KRTAP10-7: variants seen among roughly 807,000 people sequenced by gnomAD.
The protein encoded by KRTAP10-7 is keratin associated protein 10-7.
For synonymous variants in KRTAP10-7, 162 were observed against 199.6 expected (o/e 0.81, Z 1.59); for missense variants, 394 against 474.3 (o/e 0.83, Z 1.57).
chr21:44,601,970 C>T lies in KRTAP10-7; in HGVS notation c.*236C>T. On this transcript the variant is annotated 3_prime_UTR_variant, in exon 1 of 1. Coordinates refer to ENST00000609664, the MANE Select transcript of KRTAP10-7 (RefSeq NM_198689.3). ...CCCAGCAACAGGTGGGCAGTGACCC[C>T]AGCAAGGCCAGCGGGTGCTCCCAGG... 1.6e-6 allele frequency: 1 copy of T among 638,076 alleles called. No homozygotes were observed. 39.5% of individuals were successfully genotyped at this position (638,076 alleles called of 1,614,324 possible).
rs373720761 is a variant in KRTAP10-7, at chr21:44,600,846, C to T, written c.225C>T (p.Ser75=). 1.9e-4 allele frequency: 300 copies of T among 1,609,120 alleles called. 8 individuals are homozygous for T. The highest frequency in any genetic ancestry group is 2.4e-4 in the Non-Finnish European group (282 of 1,179,662). The part of the protein sequence containing the change: ...SPCCRVTCEP[S]PCQSGCTSSC... ...GCTGCCGAGTGACCTGTGAGCCCAG[C>T]CCCTGCCAATCAGGCTGCACCAGCT... Residue 75 remains serine, a synonymous_variant, in exon 1 of 1, where the codon AGC becomes AGT. Transcript: ENST00000609664.
In KRTAP10-7 at chr21:44,600,708, C is replaced by T. The variant is rs374137541; in HGVS notation, c.87C>T (p.Ser29=). ...TTCCTGGTTCCTGTGACTCTTGCTC[C>T]GACTCCTGGCAGGTGGACGACTGCC... is the stretch of plus-strand genomic sequence containing the variant. ...VCLPGSCDSC[S]DSWQVDDCPE... is the part of the protein sequence containing the mutation. The change falls in exon 1 of 1, where the codon TCC becomes TCT. Residue 29 remains serine (S), a synonymous_variant. Transcript: ENST00000609664. 690 of 1,613,248 alleles carry T rather than the reference C, an allele frequency of 4.3e-4. 3 individuals carry two copies. The East Asian group carries it at 5.2e-3, about 12-fold the overall frequency.
rs1555928850 is a variant in KRTAP10-7 at position 44,601,604 on chromosome 21, G to T, written c.983G>T (p.Cys328Phe). The T allele has an allele frequency of 3.1e-6, 5 of 1,613,468 alleles. No homozygotes were observed. The highest frequency in any genetic ancestry group is 4.2e-6 in the Non-Finnish European group (5 of 1,179,712). Reference protein sequence around the residue: ...RPACCVPVPSCCAPTSSCQAS... With the variant: ...RPACCVPVPSFCAPTSSCQAS... ...GCCTGCTGCGTGCCCGTCCCCTCCT[G>T]CTGCGCCCCCACCTCCTCCTGCCAG... The change falls in exon 1 of 1, where the codon TGC becomes TTC. Residue 328 changes from cysteine to phenylalanine, a missense_variant. Coordinates refer to ENST00000609664, the MANE Select transcript of KRTAP10-7 (RefSeq NM_198689.3).
In KRTAP10-7 at chr21:44,600,994, T is replaced by C. The variant is rs1471134276; in HGVS notation, c.373T>C (p.Cys125Arg). The part of the protein sequence containing the change: ...CKTVCCKPVY[C>R]VPVCSGDSSC... ...GACTGTCTGCTGCAAGCCTGTGTAC[T>C]GTGTGCCTGTCTGCAGTGGGGATTC... is the stretch of plus-strand genomic sequence containing the variant. The change falls in exon 1 of 1, where the codon TGT becomes CGT. Residue 125 changes from cysteine (C) to arginine (R), a missense_variant. By Grantham distance (180) the Cys-to-Arg change is radical (BLOSUM62 -3). Coordinates refer to ENST00000609664, the MANE Select transcript of KRTAP10-7 (RefSeq NM_198689.3). 6.2e-7 allele frequency: 1 copy of C among 1,612,176 alleles called. No homozygotes were observed. Among genetic ancestry groups the C allele is most frequent in the Non-Finnish European group, 8.5e-7 (1 of 1,179,826 alleles).
chr21:44,601,740 C>T lies in KRTAP10-7; in HGVS notation c.*6C>T, dbSNP rs782298389. 6.2e-7 allele frequency: 1 copy of T among 1,607,702 alleles called. No individual in the cohort carries two copies. Among genetic ancestry groups the T allele is most frequent in the Non-Finnish European group, 8.5e-7 (1 of 1,176,494 alleles). ...CCCAGAAGTCCAGCTGCTGAGTGAT[C>T]TCCTTAAGATCATCCAAAGCCTGAG... On this transcript the variant is annotated 3_prime_UTR_variant, in exon 1 of 1. Coordinates refer to ENST00000609664, the MANE Select transcript of KRTAP10-7 (RefSeq NM_198689.3).
At position 44,601,494 on chromosome 21, in the gene KRTAP10-7, T is replaced by C; in HGVS notation, c.873T>C (p.Ser291=). The C allele has an allele frequency of 6.2e-7, 1 of 1,612,514 alleles. No homozygotes were observed. Among genetic ancestry groups the C allele is most frequent in the Non-Finnish European group, 8.5e-7 (1 of 1,179,326 alleles). Residue 291 remains serine (S), a synonymous_variant, in exon 1 of 1, where the codon TCT becomes TCC. Transcript: ENST00000609664. ...CTTCCACTTCATGCTGCCAGCAGTC[T>C]AGCTGCCAGCCGGCTTGCTGCACCA... ...SGASTSCCQQ[S]SCQPACCTTS...
In KRTAP10-7 at chr21:44,601,838, G is replaced by T. The variant is rs186223794; in HGVS notation, c.*104G>T. ...CCACATCCCGCTCCTAAGCCCTGCAGTGGACGTCAGTGGTCAGCTGGCCAT... is the reference window on the plus strand; with the variant it reads ...CCACATCCCGCTCCTAAGCCCTGCATTGGACGTCAGTGGTCAGCTGGCCAT... On this transcript the variant is annotated 3_prime_UTR_variant, in exon 1 of 1. Coordinates refer to ENST00000609664, the MANE Select transcript of KRTAP10-7 (RefSeq NM_198689.3). 576 of 1,438,974 alleles carry T rather than the reference G, an allele frequency of 4.0e-4. 1 individual carries two copies. The highest frequency in any genetic ancestry group is 4.6e-4 in the Non-Finnish European group (489 of 1,073,324). The allele number at this position is 1,438,974 out of a possible 1,614,324, so 89.1% of individuals were successfully genotyped here. A position where few individuals can be genotyped will look rare whatever the true frequency, so the allele number is the denominator to read the frequency against.
rs1980929102 is a variant in KRTAP10-7, at chr21:44,601,650, C to T, written c.1029C>T (p.Ala343=). 2 of 1,612,550 alleles carry T rather than the reference C, an allele frequency of 1.2e-6. No homozygotes were observed. The highest frequency in any genetic ancestry group is 8.5e-7 in the Non-Finnish European group (1 of 1,178,692). ...GCCAGGCCAGCTGCTGCCGCCCAGC[C>T]TCCTGTGTGTCTCTCCTTTGCCGCC... The part of the protein sequence containing the change: ...SSCQASCCRP[A]SCVSLLCRPA... The change falls in exon 1 of 1, where the codon GCC becomes GCT. Residue 343 remains alanine, a synonymous_variant. Coordinates refer to ENST00000609664, the MANE Select transcript of KRTAP10-7 (RefSeq NM_198689.3).
rs372543298 is a variant in KRTAP10-7 at position 44,600,901 on chromosome 21, A to G, written c.280A>G (p.Ser94Gly). The change falls in exon 1 of 1, where the codon AGC (serine) becomes GGC (glycine). Residue 94 changes from serine to glycine, a missense_variant. Coordinates refer to ENST00000609664, the MANE Select transcript of KRTAP10-7 (RefSeq NM_198689.3). ...SCTPSCCQQS[S>G]CQLACCASSP... ...CACGCCCTCGTGCTGCCAGCAGTCT[A>G]GCTGCCAGCTGGCTTGCTGTGCCTC... The G allele has an allele frequency of 1.1e-4, 184 of 1,611,706 alleles. No homozygotes were observed. Among genetic ancestry groups the G allele is most frequent in the Non-Finnish European group, 1.5e-4 (172 of 1,179,818 alleles).
At position 44,600,880 on chromosome 21, in the gene KRTAP10-7, C is replaced by A. The variant is rs782697889; in HGVS notation, c.259C>A (p.Pro87Thr). The A allele has an allele frequency of 1.2e-5, 19 of 1,611,232 alleles. No homozygotes were observed. In the South Asian group the frequency reaches 2.0e-4, roughly 17 times the overall value. ...CQSGCTSSCT[P>T]SCCQQSSCQL... ...ATCAGGCTGCACCAGCTCCTGCACGCCCTCGTGCTGCCAGCAGTCTAGCTG... is the reference window on the plus strand; with the variant it reads ...ATCAGGCTGCACCAGCTCCTGCACGACCTCGTGCTGCCAGCAGTCTAGCTG... The change falls in exon 1 of 1, where the codon CCC (proline) becomes ACC (threonine). Residue 87 changes from proline to threonine, a missense_variant. Transcript: ENST00000609664.
chr21:44,601,511 G>A lies in KRTAP10-7; in HGVS notation c.890G>A (p.Cys297Tyr). Residue 297 changes from cysteine (C) to tyrosine (Y), a missense_variant, in exon 1 of 1, where the codon TGC becomes TAC. Physicochemically the swap from Cys to Tyr is radical, Grantham distance 194. Coordinates refer to ENST00000609664, the MANE Select transcript of KRTAP10-7 (RefSeq NM_198689.3). ...CAGCAGTCTAGCTGCCAGCCGGCTT[G>A]CTGCACCACCTCCTGCTGCAGACCC... ...CCQQSSCQPACCTTSCCRPSS... is the reference protein window; with the variant it reads ...CCQQSSCQPAYCTTSCCRPSS... 1 of 1,613,088 alleles carries A rather than the reference G, an allele frequency of 6.2e-7. No homozygotes were observed.
rs782712111 is a variant in KRTAP10-7, at chr21:44,600,934, T to G, written c.313T>G (p.Cys105Gly). ...CQLACCASSP[C>G]QQACCVPVCC... is the part of the protein sequence containing the mutation. ...GCTGGCTTGCTGTGCCTCCTCCCCC[T>G]GCCAGCAGGCCTGCTGCGTGCCCGT... The change falls in exon 1 of 1, where the codon TGC (cysteine) becomes GGC (glycine). Residue 105 changes from cysteine to glycine, a missense_variant. Coordinates refer to ENST00000609664, the MANE Select transcript of KRTAP10-7 (RefSeq NM_198689.3). The G allele has an allele frequency of 6.2e-7, 1 of 1,611,938 alleles. No individual in the cohort carries two copies. The highest frequency in any genetic ancestry group is 8.5e-7 in the Non-Finnish European group (1 of 1,179,726).
Position 44,601,200 on chromosome 21 carries a change from C to T in KRTAP10-7, c.579C>T (p.Pro193=), listed in dbSNP as rs1373102095. The T allele has an allele frequency of 6.2e-7, 1 of 1,603,358 alleles. No homozygotes were observed. The highest frequency in any genetic ancestry group is 8.5e-7 in the Non-Finnish European group (1 of 1,177,606). The change falls in exon 1 of 1, where the codon CCC becomes CCT. Residue 193 remains proline, a synonymous_variant. Transcript: ENST00000609664. ...SSPCCQAVCE[P]SPCQSGCISS... ...CCTGCTGCCAGGCGGTCTGTGAGCC[C>T]AGCCCCTGCCAATCAGGCTGCATCA...
rs1980814003 is a variant in KRTAP10-7, at chr21:44,601,005, C to T, written c.384C>T (p.Val128=). 5.0e-6 allele frequency: 8 copies of T among 1,612,136 alleles called. No homozygotes were observed. The highest frequency in any genetic ancestry group is 1.7e-5 in the Admixed American group (1 of 59,900). Residue 128 remains valine (V), a synonymous_variant, in exon 1 of 1, where the codon GTC becomes GTT. Transcript: ENST00000609664. ...GCAAGCCTGTGTACTGTGTGCCTGT[C>T]TGCAGTGGGGATTCTTCATGCTGCC... ...VCCKPVYCVP[V]CSGDSSCCQQ...
rs1211104 is a variant in KRTAP10-7, at chr21:44,600,827, G to C, written c.206G>C (p.Arg69Pro). 6.6e-3 allele frequency: 9,757 copies of C among 1,486,684 alleles called. 1,117 individuals carry two copies. In the African/African-American group the frequency reaches 0.069, roughly 11 times the overall value. 92.1% of individuals were successfully genotyped at this position (1,486,684 alleles called of 1,614,324 possible). A position where few individuals can be genotyped will look rare whatever the true frequency, so the allele number is the denominator to read the frequency against. ...PVSYVSSPCCRVTCEPSPCQS... is the reference protein window; with the variant it reads ...PVSYVSSPCCPVTCEPSPCQS... The stretch of plus-strand genomic sequence containing the variant: ...AGCTATGTGTCCAGCCCCTGCTGCC[G>C]AGTGACCTGTGAGCCCAGCCCCTGC... The change falls in exon 1 of 1, where the codon CGA becomes CCA. Residue 69 changes from arginine to proline, a missense_variant. By Grantham distance (103) the Arg-to-Pro change is moderately radical (BLOSUM62 -2). Coordinates refer to ENST00000609664, the MANE Select transcript of KRTAP10-7 (RefSeq NM_198689.3).
Position 44,601,232 on chromosome 21 carries a change from G to A in KRTAP10-7, c.611G>A (p.Cys204Tyr), listed in dbSNP as rs1555928663. The change falls in exon 1 of 1, where the codon TGC (cysteine) becomes TAC (tyrosine). Residue 204 changes from cysteine (C) to tyrosine (Y), a missense_variant. Cys to Tyr is a radical substitution (Grantham distance 194). Coordinates refer to ENST00000609664, the MANE Select transcript of KRTAP10-7 (RefSeq NM_198689.3). Reference sequence around the variant, plus strand: ...TGCCAATCAGGCTGCATCAGCTCCTGCACGCCCTCGTGCTGCCAGCAGTCT... The same window carrying A: ...TGCCAATCAGGCTGCATCAGCTCCTACACGCCCTCGTGCTGCCAGCAGTCT... Reference protein sequence around the residue: ...SPCQSGCISSCTPSCCQQSSC... With the variant: ...SPCQSGCISSYTPSCCQQSSC... The A allele has an allele frequency of 1.9e-6, 3 of 1,605,224 alleles. No individual in the cohort carries two copies. The highest frequency in any genetic ancestry group is 1.1e-5 in the South Asian group (1 of 89,914).
Position 44,602,162 on chromosome 21 carries a change from T to G in KRTAP10-7, c.*428T>G. The G allele has an allele frequency of 4.4e-6, 1 of 226,582 alleles. No homozygotes were observed. 14.0% of individuals were successfully genotyped at this position (226,582 alleles called of 1,614,324 possible). A position where few individuals can be genotyped will look rare whatever the true frequency, so the allele number is the denominator to read the frequency against. ...GGTCAGACCCTTCTAATAAACTCCTTTCCTAAAAAGTACAACTGGAATTCA... is the reference window on the plus strand; with the variant it reads ...GGTCAGACCCTTCTAATAAACTCCTGTCCTAAAAAGTACAACTGGAATTCA... On this transcript the variant is annotated 3_prime_UTR_variant, in exon 1 of 1. Transcript: ENST00000609664.
rs782292504 is a variant in KRTAP10-7 at position 44,601,674 on chromosome 21, C to A, written c.1053C>A (p.Arg351=). ...CCTCCTGTGTGTCTCTCCTTTGCCG[C>A]CCCGCATGCTCCCGCCCGGCCTGCT... ...RPASCVSLLC[R]PACSRPACCG... is the part of the protein sequence containing the mutation. Residue 351 remains arginine (R), a synonymous_variant, in exon 1 of 1, where the codon CGC becomes CGA. Coordinates refer to ENST00000609664, the MANE Select transcript of KRTAP10-7 (RefSeq NM_198689.3). The A allele has an allele frequency of 1.2e-6, 2 of 1,612,950 alleles. No individual in the cohort carries two copies. The highest frequency in any genetic ancestry group is 2.2e-5 in the East Asian group (1 of 44,852).
In KRTAP10-7 at chr21:44,601,186, G is replaced by A. The variant is rs782065027; in HGVS notation, c.565G>A (p.Ala189Thr). The change falls in exon 1 of 1, where the codon GCG (alanine) becomes ACG (threonine). Residue 189 changes from alanine to threonine, a missense_variant. Physicochemically the swap from Ala to Thr is moderately conservative, Grantham distance 58. Coordinates refer to ENST00000609664, the MANE Select transcript of KRTAP10-7 (RefSeq NM_198689.3). ...CTGTGTGTCCAGTCCCTGCTGCCAG[G>A]CGGTCTGTGAGCCCAGCCCCTGCCA... ...VSCVSSPCCQ[A>T]VCEPSPCQSG... 6.9e-6 allele frequency: 11 copies of A among 1,599,792 alleles called. No homozygotes were observed. Among genetic ancestry groups the A allele is most frequent in the Non-Finnish European group, 9.3e-6 (11 of 1,177,174 alleles).
Sources: gnomAD v4.1 joint callset for allele counts on GRCh38, gnomAD v4.1.1 for gene constraint, MANE v1.5 for transcripts, NCBI Gene and HGNC (gene_info 2026-07-23, HGNC 2026-07-21) for gene names.